TTC39B: variants seen among roughly 807,000 people sequenced by gnomAD.
TTC39B encodes tetratricopeptide repeat protein 39B.
Under a neutral mutation model 96.6 loss-of-function variants are expected in TTC39B, and 92 were observed. The observed-to-expected ratio is 0.95, with a 90% CI of 0.80 to 1.13. The LOEUF (loss-of-function observed/expected upper bound fraction) is 1.13, where lower values mean the gene tolerates loss of function less well. Among genes scored for constraint, TTC39B ranks in the 50% most tolerant of loss-of-function variants. The pLI, the probability that TTC39B is intolerant of heterozygous loss-of-function variation, is 0.00. For missense variants in TTC39B, 955 were observed against 809.3 expected (o/e 1.18, Z -2.18); for synonymous variants, 367 against 299.4 (o/e 1.23, Z -2.33).
rs114319119 is a variant in TTC39B, at chr9:15,246,994, C to T, written c.275+20920G>A. Among the ~76,000 whole-genome samples, 553 of 152,370 alleles carry T rather than the reference C, an allele frequency of 3.6e-3. 3 individuals are homozygous for T. The highest frequency in any genetic ancestry group is 0.013 in the African/African-American group (543 of 41,590). On this transcript the variant is annotated intron_variant, in intron 2 of 19. Transcript: ENST00000512701. ...AAACATTAACAGAAGAATAACATTA[C>T]TGCATCATGAGAAACAAATGACCCA...
intron 2 of TTC39B, among the ~76,000 whole-genome samples, chr9:15,257,541 G>A (rs1465799442): frequency 6.6e-6 from 1 of 151,946 alleles, no homozygotes; most frequent in Non-Finnish European, 1.5e-5. Context: ...CTCGACTTCT[G>A]CGGCTCAAAT....
At chr9:15,241,523 T>G (rs1822039261) in intron 2 of TTC39B, among the ~76,000 whole-genome samples, 1 of 152,076 alleles carries the variant, frequency 6.6e-6, no homozygotes, top group Non-Finnish European at 1.5e-5. Flanking sequence ...TGAGAATAAA[T>G]TATAAATTCC....
chr9:15,222,465 A>T (rs1820899069), intron 3 of TTC39B, among the ~76,000 whole-genome samples: 1 of 152,144 alleles, frequency 6.6e-6, no homozygotes, highest in South Asian at 2.1e-4. Flanking sequence ...TCTATCCTAC[A>T]TTCTTTACTA....
At chr9:15,188,552 G>A (rs1042067233) in intron 13 of TTC39B, among the ~76,000 whole-genome samples, 1 of 151,890 alleles carries the variant, frequency 6.6e-6, no homozygotes, top group Non-Finnish European at 1.5e-5. Context: ...AATTCTGTAA[G>A]AAAAAGAAAA....
intron 3 of TTC39B, among the ~76,000 whole-genome samples, chr9:15,218,530 G>A (rs148369262): frequency 7.2e-5 from 11 of 152,002 alleles, no homozygotes; most frequent in African/African-American, 2.4e-4. Flanking sequence ...AGACATGCCC[G>A]AGTGCCCTTC....
At chr9:15,285,145 G>T (rs1219682306) in intron 1 of TTC39B, among the ~76,000 whole-genome samples, 2 of 151,954 alleles carry the variant, frequency 1.3e-5, no homozygotes, top group Non-Finnish European at 2.9e-5. Flanking sequence ...GGCGCCTGTA[G>T]TCCCAGCTAC....
intron 4 of TTC39B, among the ~76,000 whole-genome samples, chr9:15,213,524 T>C (rs182933799): frequency 6.6e-6 from 1 of 152,328 alleles, no homozygotes; most frequent in Admixed American, 6.5e-5. Context: ...TGCCGACTTT[T>C]ATGCCCAAGT....
intron 2 of TTC39B, among the ~76,000 whole-genome samples, chr9:15,233,369 C>G (rs1236457836): frequency 6.6e-6 from 1 of 151,784 alleles, no homozygotes; most frequent in East Asian, 1.9e-4. Context: ...CACGGTCTCC[C>G]TCTCCCTCTC....
intron 2 of TTC39B, among the ~76,000 whole-genome samples, chr9:15,239,986 T>C (rs115878419): frequency 0.014 from 2,081 of 152,274 alleles, 52 homozygotes; most frequent in African/African-American, 0.047. Context: ...TATTGCTTAA[T>C]AGTATTAGCT....
chr9:15,211,327 C>T (rs189466778), exon 5 of TTC39B: 19 of 1,594,674 alleles, frequency 1.2e-5, no homozygotes, highest in African/African-American at 5.4e-5. Flanking sequence ...TCCTGTTGCT[C>T]GAAGGTCAGG....
At chr9:15,237,472 T>C (rs538418018) in intron 2 of TTC39B, among the ~76,000 whole-genome samples, 1 of 151,902 alleles carries the variant, frequency 6.6e-6, no homozygotes, top group Non-Finnish European at 1.5e-5. Context: ...ACCACAGAAA[T>C]ACAAATGATC....
chr9:15,202,940 T>G (rs1819628241), intron 7 of TTC39B, among the ~76,000 whole-genome samples: 1 of 151,866 alleles, frequency 6.6e-6, no homozygotes, highest in Non-Finnish European at 1.5e-5. Flanking sequence ...TTCCCAGAGG[T>G]GAAATTAAAA....
At chr9:15,212,240 C>G (rs1225485931) in intron 4 of TTC39B, among the ~76,000 whole-genome samples, 1 of 152,122 alleles carries the variant, frequency 6.6e-6, no homozygotes, top group Non-Finnish European at 1.5e-5. Context: ...GTCTAAACAT[C>G]CTTTGGTAAT....
intron 9 of TTC39B, 72 bp from the exon 10 acceptor site, chr9:15,191,327 T>C: frequency 9.3e-7 from 1 of 1,072,392 alleles, no homozygotes; most frequent in Non-Finnish European, 1.4e-6. Context: ...AACTAACAAC[T>C]TACAGTTTTA....
intron 1 of TTC39B, among the ~76,000 whole-genome samples, chr9:15,278,211 C>T (rs966902504): frequency 6.6e-6 from 1 of 152,088 alleles, no homozygotes; most frequent in East Asian, 1.9e-4. Flanking sequence ...AAAGAAAAAT[C>T]GTGTATATAG....
intron 2 of TTC39B, among the ~76,000 whole-genome samples, chr9:15,256,060 C>A (rs957236040): frequency 6.6e-6 from 1 of 152,182 alleles, no homozygotes; most frequent in African/African-American, 2.4e-5. Context: ...TGAAACCTAA[C>A]CCCCAAAGTG....
chr9:15,214,142 G>C (rs140762163), exon 4 of TTC39B: 27 of 1,610,668 alleles, frequency 1.7e-5, no homozygotes, highest in Non-Finnish European at 2.2e-5. Context: ...AAATTACCAG[G>C]GGCGAAGCAA....
chr9:15,176,729 G>A (rs1817958881), intron 18 of TTC39B, among the ~76,000 whole-genome samples: 1 of 152,116 alleles, frequency 6.6e-6, no homozygotes, highest in Admixed American at 6.5e-5. Context: ...ATAGAGCTGA[G>A]GAGTGTGGCT....
chr9:15,186,287 G>A (rs1818519417), intron 15 of TTC39B, among the ~76,000 whole-genome samples: 2 of 152,194 alleles, frequency 1.3e-5, no homozygotes, highest in Admixed American at 1.3e-4. Context: ...TACCGTCAGT[G>A]GAAAAGGCAG....
Sources: allele counts gnomAD v4.1 joint callset (sites outside exome capture counted in the v4.1 genomes callset), GRCh38; gene constraint gnomAD v4.1.1; transcripts MANE v1.5; gene names NCBI Gene and HGNC (gene_info 2026-07-23, HGNC 2026-07-21).